The following CLASP2 variants were observed in gnomAD, a reference collection of about 807,000 sequenced individuals.
CLASP2 encodes the protein CLIP-associating protein 2.
Under a neutral mutation model 194.4 loss-of-function variants are expected in CLASP2, and 47 were observed. The ratio of observed to expected loss-of-function variants is 0.24; its 90% CI spans 0.19 to 0.31. The LOEUF is 0.31. CLASP2 is among the 10% of genes least tolerant of loss of function. The pLI is 1.00. For synonymous variants in CLASP2, 619 were observed against 633.5 expected (o/e 0.98, Z 0.34); for missense variants, 1,445 against 1,823.6 (o/e 0.79, Z 3.78).
At chr3:33,696,972 G>A in intron 1 of CLASP2, 39 bp from the exon 2 acceptor site, 1 of 1,058,096 alleles carries the variant, frequency 9.5e-7, no homozygotes, top group Non-Finnish European at 1.4e-6. Context: ...ATAAATTACT[G>A]ATGCATACTT....
Position 33,690,935 on chromosome 3 carries a change from G to A in CLASP2, c.275-1003C>T, listed in dbSNP as rs890414619. The stretch of plus-strand genomic sequence containing the variant: ...GACAATTTTTCCACAGTGGCAGGGG[G>A]TGGGGAGGATGGTTTTGGGATCAGG... On this transcript the variant is annotated intron_variant, in intron 2 of 38. Transcript: ENST00000682230. Among the ~76,000 whole-genome samples the A allele has an allele frequency of 7.2e-5, 11 of 152,180 alleles. 1 individual carries two copies. Among genetic ancestry groups the A allele is most frequent in the Admixed American group, 5.2e-4 (8 of 15,274 alleles).
At chr3:33,693,451 C>A (rs1419308158) in intron 2 of CLASP2, among the ~76,000 whole-genome samples, 2 of 152,198 alleles carry the variant, frequency 1.3e-5, no homozygotes, top group East Asian at 1.9e-4. Flanking sequence ...CAGAAAGACT[C>A]CTAAAGAGAT....
rs1349450842 is a variant in CLASP2 at position 33,717,801 on chromosome 3, C to T, written c.195+7G>A. The stretch of plus-strand genomic sequence containing the variant: ...GTGACCAGCCCAGCCTCGCCGCCGT[C>T]GCTTACCCGGTAGTTGCTCGAACCC... On this transcript the variant is annotated splice_region_variant and intron_variant, in intron 1 of 38. Coordinates refer to ENST00000682230, the MANE Select transcript of CLASP2 (RefSeq NM_001365631.1). 1.3e-6 allele frequency: 2 copies of T among 1,553,022 alleles called. No individual in the cohort carries two copies. The highest frequency in any genetic ancestry group is 1.7e-6 in the Non-Finnish European group (2 of 1,148,984).
chr3:33,516,762 G>A (rs775428517), intron 35 of CLASP2, among the ~76,000 whole-genome samples: 2 of 152,126 alleles, frequency 1.3e-5, no homozygotes, highest in African/African-American at 4.8e-5. Context: ...TTTTCTATAA[G>A]AATTCAGCCT....
At chr3:33,542,572 T>C (rs746096610) in intron 32 of CLASP2, among the ~76,000 whole-genome samples, 1 of 150,170 alleles carries the variant, frequency 6.7e-6, no homozygotes, top group South Asian at 2.1e-4. Context: ...TCATTCTGAA[T>C]ATGAAAACCA....
At chr3:33,688,712 G>A (rs960993205) in intron 3 of CLASP2, among the ~76,000 whole-genome samples, 2 of 152,122 alleles carry the variant, frequency 1.3e-5, no homozygotes, top group Non-Finnish European at 2.9e-5. Context: ...GCCATTATAA[G>A]TCCAGCAGTC....
At position 33,718,178 on chromosome 3, in the gene CLASP2, A is replaced by C; in HGVS notation, c.-176T>G. On this transcript the variant is annotated 5_prime_UTR_variant, in exon 1 of 39. Transcript: ENST00000682230. ...AACGCCAAGCGCCCAGCCGCCCCCA[A>C]ACTAGTCAAACTCGGCGCCCCCCGA... The C allele has an allele frequency of 4.3e-6, 2 of 467,756 alleles. No homozygotes were observed. The highest frequency in any genetic ancestry group is 7.2e-6 in the Non-Finnish European group (2 of 279,202). The allele number at this position is 467,756 out of a possible 1,614,324, so 29.0% of individuals were successfully genotyped here. A position where few individuals can be genotyped will look rare whatever the true frequency, so the allele number is the denominator to read the frequency against.
At chr3:33,630,720 C>T (rs936560942) in intron 9 of CLASP2, among the ~76,000 whole-genome samples, 3 of 152,092 alleles carry the variant, frequency 2.0e-5, no homozygotes, top group African/African-American at 7.2e-5. Flanking sequence ...GCAGAGAGGG[C>T]CAGCTGGAAG....
At chr3:33,669,691 A>G (rs1018436012) in intron 6 of CLASP2, among the ~76,000 whole-genome samples, 2 of 152,172 alleles carry the variant, frequency 1.3e-5, no homozygotes, top group Admixed American at 6.5e-5. Flanking sequence ...TGTAATCAGA[A>G]AAATGCATGT....
intron 8 of CLASP2, among the ~76,000 whole-genome samples, chr3:33,634,247 A>T (rs759272895): frequency 1.3e-5 from 2 of 152,258 alleles, no homozygotes; most frequent in African/African-American, 4.8e-5. Context: ...TGTACCTAGC[A>T]AAAGTAATTT....
intron 8 of CLASP2, among the ~76,000 whole-genome samples, chr3:33,640,782 A>G (rs1328963102): frequency 6.6e-6 from 1 of 152,104 alleles, no homozygotes; most frequent in Non-Finnish European, 1.5e-5. Context: ...AACTTGAAGA[A>G]GGCAATTTCA....
At chr3:33,501,938 C>A in intron 37 of CLASP2, 170 bp from the exon 38 acceptor site, 2 of 560,188 alleles carry the variant, frequency 3.6e-6, no homozygotes, top group Non-Finnish European at 6.4e-6. Context: ...CAATGCCCTT[C>A]TCTCCCTTCA....
chr3:33,534,051 G>T (rs188917697), intron 34 of CLASP2, among the ~76,000 whole-genome samples: 24 of 152,074 alleles, frequency 1.6e-4, no homozygotes, highest in Admixed American at 1.4e-3. Context: ...CACACAAAAA[G>T]AATTATTTAT....
At chr3:33,563,847 C>A (rs986904157) in intron 27 of CLASP2, 34 of 454,674 alleles carry the variant, frequency 7.5e-5, no homozygotes, top group Non-Finnish European at 1.4e-4. Flanking sequence ...GTTTCTAACT[C>A]CAAACTGATC....
In CLASP2 at chr3:33,496,934, TTAAAA is replaced by T. The variant is rs2154064425; in HGVS notation, c.*1692_*1696del. Reference sequence around the variant, plus strand: ...ACCACTGATACAAGACCGTCTAAAGTTAAAATAAAACTGAGTGACTTGTTACACAG... The same window carrying T: ...ACCACTGATACAAGACCGTCTAAAGTTAAAACTGAGTGACTTGTTACACAG... On this transcript the variant is annotated 3_prime_UTR_variant, in exon 39 of 39. Coordinates refer to ENST00000682230, the MANE Select transcript of CLASP2 (RefSeq NM_001365631.1). The T allele has an allele frequency of 6.5e-6, 1 of 152,672 alleles. No individual in the cohort carries two copies. The highest frequency in any genetic ancestry group is 2.4e-5 in the African/African-American group (1 of 41,560). The allele number at this position is 152,672 out of a possible 1,614,324, so 9.5% of individuals were successfully genotyped here.
intron 12 of CLASP2, among the ~76,000 whole-genome samples, chr3:33,614,002 AATTTAC>A (rs2075673111): frequency 6.6e-6 from 1 of 152,208 alleles, no homozygotes. Context: ...AAGTCAGAAC[AATTTAC>A]ACTTTATTAA....
At chr3:33,510,851 T>C in intron 36 of CLASP2, 87 bp from the exon 37 acceptor site, 2 of 1,176,706 alleles carry the variant, frequency 1.7e-6, no homozygotes, top group Non-Finnish European at 2.4e-6. Flanking sequence ...AAGTATTCAA[T>C]ATAATATATG....
intron 7 of CLASP2, among the ~76,000 whole-genome samples, chr3:33,650,079 C>T (rs997847956): frequency 6.6e-6 from 1 of 152,144 alleles, no homozygotes; most frequent in African/African-American, 2.4e-5. Flanking sequence ...CACTTAAAAT[C>T]CTAGAGTTAT....
chr3:33,689,601 C>G, intron 3 of CLASP2: 1 of 378,930 alleles, frequency 2.6e-6, no homozygotes, highest in Non-Finnish European at 4.7e-6. Flanking sequence ...TGTCAAATCA[C>G]TGAAATCTAT....
Sources: gnomAD v4.1 joint callset for allele counts (sites outside exome capture counted in the v4.1 genomes callset) on GRCh38, gnomAD v4.1.1 for gene constraint, MANE v1.5 for transcripts, NCBI Gene and HGNC (gene_info 2026-07-23, HGNC 2026-07-21) for gene names.